Variants in ATP10B observed in about 807,000 individuals in gnomAD.
ATP10B encodes phospholipid-transporting ATPase VB.
In ATP10B, 122 loss-of-function variants were observed where a neutral mutation model predicts 141.2. The ratio of observed to expected loss-of-function variants is 0.86; its 90% CI spans 0.75 to 1.00. The LOEUF is 1.00. Among genes scored for constraint, ATP10B ranks in the 50% least tolerant of loss-of-function variants. ATP10B has a pLI of 0.00. For missense variants in ATP10B, 1,876 were observed against 1,825.3 expected, an observed-to-expected ratio of 1.03 and a Z score of -0.51; for synonymous variants, 685 against 692.0, an observed-to-expected ratio of 0.99 and a Z score of 0.16.
chr5:160,587,177 T>A (rs1348095330), intron 24 of ATP10B, among the ~76,000 whole-genome samples: 1 of 152,208 alleles, frequency 6.6e-6, no homozygotes. Context: ...TGCATATGGC[T>A]AACCAGTTTT....
At chr5:160,781,436 C>A (rs1415714864) in intron 2 of ATP10B, among the ~76,000 whole-genome samples, 1 of 152,018 alleles carries the variant, frequency 6.6e-6, no homozygotes, top group African/African-American at 2.4e-5. Flanking sequence ...GGTGTTTGTT[C>A]AGTTAGCTCT....
At chr5:160,904,936 T>C in the ATP10B span, among the ~76,000 whole-genome samples, 1 of 152,174 alleles carries the variant, frequency 6.6e-6, no homozygotes, top group African/African-American at 2.4e-5. Flanking sequence ...CTCTAGCTAT[T>C]TTGCAAATGG....
chr5:160,597,242 A>G (rs1393247744), intron 22 of ATP10B, among the ~76,000 whole-genome samples: 3 of 152,370 alleles, frequency 2.0e-5, no homozygotes, highest in South Asian at 2.1e-4. Flanking sequence ...ATAATGCTGC[A>G]TATCTACAAC....
At chr5:160,769,095 AAGAC>A (rs1474794478) in intron 2 of ATP10B, among the ~76,000 whole-genome samples, 3 of 152,210 alleles carry the variant, frequency 2.0e-5, no homozygotes, top group African/African-American at 7.2e-5. Context: ...TGCACACTGA[AAGAC>A]AGAGTTTCCA....
intron 24 of ATP10B, among the ~76,000 whole-genome samples, chr5:160,572,505 T>C (rs1005487073): frequency 2.0e-5 from 3 of 152,278 alleles, no homozygotes; most frequent in African/African-American, 4.8e-5. Context: ...AGTCTGAAGA[T>C]AGATTAGGTG....
At chr5:160,885,134 A>C in the ATP10B span, among the ~76,000 whole-genome samples, 1 of 152,236 alleles carries the variant, frequency 6.6e-6, no homozygotes, top group African/African-American at 2.4e-5. Context: ...GTATATAAAA[A>C]GGGAGGTGAT....
the ATP10B span, among the ~76,000 whole-genome samples, chr5:160,878,331 A>T: frequency 1.7e-3 from 256 of 151,706 alleles, no homozygotes; most frequent in Non-Finnish European, 2.7e-3. Context: ...GCTAGCCATA[A>T]GTAGAAAGCT....
the ATP10B span, among the ~76,000 whole-genome samples, chr5:160,921,155 C>T: frequency 1.3e-5 from 2 of 152,058 alleles, no homozygotes; most frequent in African/African-American, 2.4e-5. Flanking sequence ...TGTCATTCTT[C>T]CTCTACAGGA....
intron 2 of ATP10B, among the ~76,000 whole-genome samples, chr5:160,747,988 T>TGA: frequency 2.0e-5 from 2 of 102,214 alleles, no homozygotes; most frequent in Non-Finnish European, 3.7e-5. Context: ...AGCTGAGCAT[T>TGA]GAGAGAGAAA....
chr5:160,697,293 C>G (rs960392867), intron 3 of ATP10B, among the ~76,000 whole-genome samples: 7 of 151,992 alleles, frequency 4.6e-5, no homozygotes, highest in Non-Finnish European at 1.0e-4. Context: ...GTGAGGCCTT[C>G]GTGGGAAAGG....
At chr5:160,841,446 G>A (rs1399370170) in intron 1 of ATP10B, among the ~76,000 whole-genome samples, 2 of 152,120 alleles carry the variant, frequency 1.3e-5, no homozygotes, top group African/African-American at 2.4e-5. Context: ...TATGAGGTAG[G>A]GGAATGAAGC....
chr5:160,877,965 A>G, the ATP10B span, among the ~76,000 whole-genome samples: 16 of 151,742 alleles, frequency 1.1e-4, no homozygotes, highest in Non-Finnish European at 4.4e-5. Flanking sequence ...GCCCAAGGTA[A>G]TTTATAGATT....
chr5:160,745,986 C>G (rs557084838), intron 2 of ATP10B, among the ~76,000 whole-genome samples: 1 of 152,212 alleles, frequency 6.6e-6, no homozygotes, highest in Admixed American at 6.5e-5. Context: ...TCTCTGTATC[C>G]TTGTTAATGA....
At chr5:160,585,422 T>C (rs956876175) in intron 24 of ATP10B, among the ~76,000 whole-genome samples, 5 of 152,106 alleles carry the variant, frequency 3.3e-5, no homozygotes, top group African/African-American at 1.2e-4. Context: ...GGCTAACATA[T>C]TGAAACCCTG....
At chr5:160,827,485 C>T (rs957334300) in intron 1 of ATP10B, among the ~76,000 whole-genome samples, 3 of 152,120 alleles carry the variant, frequency 2.0e-5, no homozygotes, top group Non-Finnish European at 2.9e-5. Context: ...TGTCACTTGC[C>T]TAGTTTTTAA....
At chr5:160,777,720 G>T (rs1210091669) in intron 2 of ATP10B, among the ~76,000 whole-genome samples, 1 of 152,140 alleles carries the variant, frequency 6.6e-6, no homozygotes, top group Non-Finnish European at 1.5e-5. Context: ...ACCAGTGAAA[G>T]CCAAGTATTT....
chr5:160,830,753 G>C (rs1392337862), intron 1 of ATP10B, among the ~76,000 whole-genome samples: 1 of 151,980 alleles, frequency 6.6e-6, no homozygotes, highest in African/African-American at 2.4e-5. Context: ...GGAAGCTCTA[G>C]AGTAGAAATG....
chr5:160,611,236 T>C (rs1416857972), intron 18 of ATP10B, among the ~76,000 whole-genome samples: 1 of 152,164 alleles, frequency 6.6e-6, no homozygotes, highest in Non-Finnish European at 1.5e-5. Context: ...TGGCTGACTG[T>C]TCCTTAGGAG....
the ATP10B span, among the ~76,000 whole-genome samples, chr5:160,929,053 G>A: frequency 6.6e-6 from 1 of 152,170 alleles, no homozygotes; most frequent in Non-Finnish European, 1.5e-5. Flanking sequence ...TGTTGCTGCT[G>A]GTGGCTGAGG....
Sources: allele counts gnomAD v4.1 joint callset (sites outside exome capture counted in the v4.1 genomes callset), GRCh38; gene constraint gnomAD v4.1.1; transcripts MANE v1.5; gene names NCBI Gene and HGNC (gene_info 2026-07-23, HGNC 2026-07-21).